The following CDH18 variants were observed in gnomAD, a reference collection of about 807,000 sequenced individuals.
The protein encoded by CDH18 is cadherin-18.
CDH18 carries 31 observed loss-of-function variants against 67.9 expected under a neutral mutation model. The observed-to-expected ratio is 0.46, with a 90% CI of 0.34 to 0.62. CDH18 has a LOEUF of 0.62. CDH18 is among the 20% of genes least tolerant of loss of function. The pLI is 0.01. For missense variants in CDH18, 890 were observed against 975.5 expected (o/e 0.91, Z 1.17); for synonymous variants, 362 against 347.2 (o/e 1.04, Z -0.48).
intron 3 of CDH18, among the ~76,000 whole-genome samples, chr5:19,823,560 T>C (rs1780104146): frequency 1.3e-5 from 2 of 152,122 alleles, no homozygotes; most frequent in African/African-American, 4.8e-5. Context: ...GCACTCAATA[T>C]TGGAGCATAG....
intron 2 of CDH18, among the ~76,000 whole-genome samples, chr5:19,885,121 A>G (rs923077576): frequency 6.6e-6 from 1 of 152,152 alleles, no homozygotes; most frequent in Non-Finnish European, 1.5e-5. Flanking sequence ...TCAAAATTAG[A>G]TAACTTTGTG....
In CDH18 at chr5:19,593,655, CCT is replaced by C. The variant is rs1405021595; in HGVS notation, c.812-2413_812-2412del. Among the ~76,000 whole-genome samples the C allele has an allele frequency of 6.5e-4, 85 of 130,956 alleles. 3 individuals carry two copies. Among genetic ancestry groups the C allele is most frequent in the African/African-American group, 2.4e-3 (82 of 34,090 alleles). The allele number at this position is 130,956 out of a possible 152,430, so 85.9% of individuals were successfully genotyped here. On this transcript the variant is annotated intron_variant, in intron 6 of 12. Coordinates refer to ENST00000382275, the MANE Select transcript of CDH18 (RefSeq NM_004934.5). ...TCCTTCTCCTCCTTCACCCACTCCCCCTCCCCTTCTACCTCCTTCTTCCTCCT... is the reference window on the plus strand; with the variant it reads ...TCCTTCTCCTCCTTCACCCACTCCCCCCCCTTCTACCTCCTTCTTCCTCCT...
chr5:19,687,844 C>T (rs1350156743), intron 5 of CDH18, among the ~76,000 whole-genome samples: 1 of 152,220 alleles, frequency 6.6e-6, no homozygotes, highest in Admixed American at 6.5e-5. Context: ...TCTGTCCACA[C>T]CACTGCTGAT....
chr5:20,220,915 A>T (rs1741173432), intron 2 of CDH18, among the ~76,000 whole-genome samples: 1 of 152,146 alleles, frequency 6.6e-6, no homozygotes, highest in African/African-American at 2.4e-5. Context: ...GAAAACTACA[A>T]TGAGATATCA....
chr5:20,168,940 T>C (rs1194118187), intron 2 of CDH18, among the ~76,000 whole-genome samples: 1 of 151,920 alleles, frequency 6.6e-6, no homozygotes, highest in Non-Finnish European at 1.5e-5. Flanking sequence ...ATTGAACTCA[T>C]GAACATAGAT....
chr5:19,551,739 C>T (rs965355912), intron 8 of CDH18, among the ~76,000 whole-genome samples: 13 of 152,200 alleles, frequency 8.5e-5, no homozygotes, highest in South Asian at 2.1e-4. Context: ...CTTTCTCCTA[C>T]GACTGCACTA....
At chr5:20,371,036 CAA>C (rs879271018) in intron 1 of CDH18, among the ~76,000 whole-genome samples, 13 of 129,174 alleles carry the variant, frequency 1.0e-4, no homozygotes, top group Admixed American at 1.6e-4. Context: ...GACTCTGTCT[CAA>C]AAAAAAAAAG....
intron 2 of CDH18, among the ~76,000 whole-genome samples, chr5:20,201,830 T>A (rs1739470724): frequency 1.3e-5 from 2 of 152,130 alleles, no homozygotes; most frequent in South Asian, 4.1e-4. Flanking sequence ...GAAAATAAGA[T>A]AATCAAGGAG....
chr5:20,269,919 T>C (rs1745313422), intron 1 of CDH18, among the ~76,000 whole-genome samples: 1 of 151,924 alleles, frequency 6.6e-6, no homozygotes, highest in South Asian at 2.1e-4. Flanking sequence ...AAAATAAAGA[T>C]AGCTCAATAA....
chr5:20,547,104 G>T (rs1561118266), intron 1 of CDH18, among the ~76,000 whole-genome samples: 1 of 151,976 alleles, frequency 6.6e-6, no homozygotes, highest in East Asian at 1.9e-4. Flanking sequence ...AAATCACCAC[G>T]CTTTAAAACT....
intron 1 of CDH18, among the ~76,000 whole-genome samples, chr5:20,281,976 T>G (rs545257301): frequency 6.6e-6 from 1 of 152,190 alleles, no homozygotes; most frequent in Non-Finnish European, 1.5e-5. Flanking sequence ...TTTGAAGCAA[T>G]TATAAATGGG....
At chr5:20,402,370 G>T (rs1745845603) in intron 1 of CDH18, among the ~76,000 whole-genome samples, 1 of 152,134 alleles carries the variant, frequency 6.6e-6, no homozygotes, top group African/African-American at 2.4e-5. Context: ...TGACATCATA[G>T]GCCCTGTACC....
chr5:20,039,153 C>A (rs1232809525), intron 2 of CDH18, among the ~76,000 whole-genome samples: 1 of 152,196 alleles, frequency 6.6e-6, no homozygotes, highest in African/African-American at 2.4e-5. Flanking sequence ...TGAAAGACCT[C>A]TTCAAGGAGA....
chr5:20,263,135 T>C (rs1440613674), intron 1 of CDH18, among the ~76,000 whole-genome samples: 1 of 152,102 alleles, frequency 6.6e-6, no homozygotes, highest in South Asian at 2.1e-4. Context: ...CGAGCATGCA[T>C]TGTTTTTTGT....
chr5:20,169,416 C>G (rs962439767), intron 2 of CDH18, among the ~76,000 whole-genome samples: 1 of 152,054 alleles, frequency 6.6e-6, no homozygotes, highest in Admixed American at 6.6e-5. Flanking sequence ...AAAGGAGGAA[C>G]ATTGAATTGT....
intron 1 of CDH18, chr5:20,305,503 G>A: frequency 1.8e-6 from 2 of 1,084,780 alleles, no homozygotes; most frequent in Non-Finnish European, 2.8e-6. Context: ...TGGGTGCCGC[G>A]AAACCCGGGG....
intron 1 of CDH18, among the ~76,000 whole-genome samples, chr5:20,319,187 C>T (rs915223495): frequency 7.9e-5 from 12 of 152,150 alleles, no homozygotes; most frequent in African/African-American, 2.7e-4. Context: ...TGCTAGAGAT[C>T]CCCAATTATT....
intron 2 of CDH18, among the ~76,000 whole-genome samples, chr5:20,195,266 T>C (rs1044560852): frequency 1.3e-5 from 2 of 152,072 alleles, no homozygotes; most frequent in Non-Finnish European, 2.9e-5. Flanking sequence ...ATTTTGTTTT[T>C]TCATATTTAA....
chr5:19,842,278 T>C (rs1782412308), intron 2 of CDH18, among the ~76,000 whole-genome samples: 1 of 152,160 alleles, frequency 6.6e-6, no homozygotes, highest in Non-Finnish European at 1.5e-5. Flanking sequence ...CACCTATCTC[T>C]CATCTTGATT....
Sources: gnomAD v4.1 joint callset for allele counts (sites outside exome capture counted in the v4.1 genomes callset) on GRCh38, gnomAD v4.1.1 for gene constraint, MANE v1.5 for transcripts, NCBI Gene and HGNC (gene_info 2026-07-23, HGNC 2026-07-21) for gene names.